XPA: variants seen among roughly 807,000 people sequenced by gnomAD.
XPA encodes the protein XPA, DNA damage recognition and repair factor.
XPA carries 27 observed loss-of-function variants against 35.7 expected under a neutral mutation model. The ratio of observed to expected loss-of-function variants is 0.76; its 90% confidence interval spans 0.56 to 1.04. The LOEUF is 1.04. Among genes scored for constraint, XPA ranks in the 50% least tolerant of loss-of-function variants. The pLI, the probability that XPA is intolerant of heterozygous loss-of-function variation, is 0.00. For synonymous variants in XPA, 133 were observed against 118.4 expected, an observed-to-expected ratio of 1.12 and a Z score of -0.80; for missense variants, 354 against 342.7, an observed-to-expected ratio of 1.03 and a Z score of -0.26.
chr9:97,665,025 C>T, the XPA span, among the ~76,000 whole-genome samples: 14 of 152,180 alleles, frequency 9.2e-5, no homozygotes, highest in Admixed American at 6.5e-4. Flanking sequence ...ATGAAGTTCA[C>T]GGACTTTACA....
downstream of XPA, chr9:97,671,004 G>A (rs1343389978): frequency 7.2e-6 from 6 of 828,504 alleles, no homozygotes; most frequent in Non-Finnish European, 9.8e-6. Context: ...CTGCAGCATG[G>A]GTGGGCTGCT....
chr9:97,675,351 C>CTTTTTTTTTT lies in XPA; in HGVS notation c.*78_*87dup. ...GTTTCATTCATCTATGAAGATGTTG[C>CTTTTTTTTTT]TTTTTTTTTTGAATTTTGAAAAGGA... On this transcript the variant is annotated 3_prime_UTR_variant, in exon 6 of 6. Transcript: ENST00000375128. 8.4e-7 allele frequency: 1 copy of CTTTTTTTTTT among 1,187,440 alleles called. No homozygotes were observed. The highest frequency in any genetic ancestry group is 2.9e-5 in the East Asian group (1 of 34,226). 73.6% of individuals were successfully genotyped at this position (1,187,440 alleles called of 1,614,324 possible).
the XPA span, among the ~76,000 whole-genome samples, chr9:97,661,732 GTTTTTTT>G: frequency 1.8e-5 from 2 of 113,070 alleles, no homozygotes; most frequent in Non-Finnish European, 3.7e-5. Flanking sequence ...AAGCTTAAGT[GTTTTTTT>G]TTTTTTTTTT....
chr9:97,666,387 T>G, the XPA span, among the ~76,000 whole-genome samples: 2 of 152,234 alleles, frequency 1.3e-5, no homozygotes, highest in Non-Finnish European at 2.9e-5. Context: ...GGTCACCATT[T>G]TGAGAAAATT....
intron 2 of XPA, among the ~76,000 whole-genome samples, chr9:97,692,469 A>G (rs989568492): frequency 6.6e-6 from 1 of 152,196 alleles, no homozygotes; most frequent in Non-Finnish European, 1.5e-5. Flanking sequence ...AAGCATATCT[A>G]TAGACAAAAG....
chr9:97,685,274 GA>G (rs1828681645), intron 4 of XPA, among the ~76,000 whole-genome samples: 1 of 152,108 alleles, frequency 6.6e-6, no homozygotes, highest in Admixed American at 6.5e-5. Flanking sequence ...ATTATAAATA[GA>G]AAAGTTGTCC....
chr9:97,675,446 T>G lies in XPA; in HGVS notation c.815A>C (p.Lys272Thr). Residue 272 changes from lysine (K) to threonine (T), a missense_variant, in exon 6 of 6, where the codon AAA (lysine) becomes ACA (threonine). Lys to Thr is a moderately conservative substitution (Grantham distance 78). Coordinates refer to ENST00000375128, the MANE Select transcript of XPA (RefSeq NM_000380.4). ...TMCGHELTYE[K>T]M ...GGTCACTGAACTAAAAAATCACATT[T>G]TTTCATATGTCAGTTCATGGCCACA... 1 of 1,613,286 alleles carries G rather than the reference T, an allele frequency of 6.2e-7. No individual in the cohort carries two copies. The highest frequency in any genetic ancestry group is 1.1e-5 in the South Asian group (1 of 90,626).
the XPA span, chr9:97,669,471 G>A: frequency 1.5e-6 from 1 of 651,444 alleles, no homozygotes; most frequent in Non-Finnish European, 2.7e-6. Context: ...ATGGAAGCTA[G>A]GCACACACAC....
At chr9:97,674,316 T>TAA (rs11300168), downstream of XPA, among the ~76,000 whole-genome samples, 4 of 151,762 alleles carry the variant, frequency 2.6e-5, no homozygotes, top group African/African-American at 9.7e-5. Flanking sequence ...TGAAGGTGTT[T>TAA]AAAAAAAAAT....
intron 3 of XPA, 104 bp downstream of exon 3, chr9:97,689,430 T>G: frequency 1.3e-6 from 1 of 775,648 alleles, no homozygotes; most frequent in Admixed American, 2.4e-5. Context: ...CAAAATGAAA[T>G]TCATAATTAC....
the XPA span, among the ~76,000 whole-genome samples, chr9:97,668,419 G>A: frequency 1.3e-5 from 2 of 152,192 alleles, no homozygotes; most frequent in African/African-American, 2.4e-5. Flanking sequence ...ATTATTATAT[G>A]TCGGCTGGAG....
chr9:97,664,507 A>G, the XPA span: 1 of 1,106,336 alleles, frequency 9.0e-7, no homozygotes, highest in Admixed American at 2.0e-5. Flanking sequence ...GGTCTCTTAT[A>G]CATAAGCTTC....
the XPA span, chr9:97,663,126 GT>G: frequency 8.9e-7 from 1 of 1,122,418 alleles, no homozygotes; most frequent in Non-Finnish European, 1.3e-6. Context: ...CCATTGTTTT[GT>G]TTGTAAAACA....
intron 1 of XPA, among the ~76,000 whole-genome samples, chr9:97,694,721 C>A (rs994108943): frequency 6.6e-6 from 1 of 152,164 alleles, no homozygotes; most frequent in Non-Finnish European, 1.5e-5. Flanking sequence ...CATAACTACA[C>A]CTCTCCTATG....
In XPA at chr9:97,684,374, A is replaced by G. The variant is rs367969772; in HGVS notation, c.673+549T>C. 1.6e-3 allele frequency among the ~76,000 whole-genome samples: 244 copies of G among 152,360 alleles called. 1 individual carries two copies. Among genetic ancestry groups the G allele is most frequent in the African/African-American group, 5.6e-3 (234 of 41,578 alleles). On this transcript the variant is annotated intron_variant, in intron 5 of 5. Transcript: ENST00000375128. ...TGCATGCAAAGACAGATGCATGGAT[A>G]GAGAAATGACTACTTCATGGAGACT...
intron 5 of XPA, among the ~76,000 whole-genome samples, chr9:97,680,822 G>A (rs1828517676): frequency 6.6e-6 from 1 of 152,152 alleles, no homozygotes; most frequent in Non-Finnish European, 1.5e-5. Context: ...GTCTGAAATC[G>A]ACTTTCGGGG....
the XPA span, among the ~76,000 whole-genome samples, chr9:97,666,550 G>T: frequency 6.6e-6 from 1 of 152,164 alleles, no homozygotes; most frequent in Non-Finnish European, 1.5e-5. Context: ...GCCCTCAGGG[G>T]GCTCGCCTGA....
intron 5 of XPA, among the ~76,000 whole-genome samples, chr9:97,682,875 A>C (rs985432889): frequency 6.6e-6 from 1 of 152,196 alleles, no homozygotes; most frequent in Non-Finnish European, 1.5e-5. Flanking sequence ...TCATACTACT[A>C]ATATATATGC....
chr9:97,669,985 C>T (rs544513414), downstream of XPA: 333 of 451,258 alleles, frequency 7.4e-4, no homozygotes, highest in Non-Finnish European at 1.1e-3. Flanking sequence ...TTCAGTGACA[C>T]GATCTCAGCT....
Sources: gnomAD v4.1 joint callset for allele counts (sites outside exome capture counted in the v4.1 genomes callset) on GRCh38, gnomAD v4.1.1 for gene constraint, MANE v1.5 for transcripts, NCBI Gene and HGNC (gene_info 2026-07-23, HGNC 2026-07-21) for gene names.